TLK1: variants seen among roughly 807,000 people sequenced by gnomAD.
TLK1 encodes the protein serine/threonine-protein kinase tousled-like 1.
A neutral mutation model predicts 105.3 loss-of-function variants in TLK1; 24 were observed. That is an observed-to-expected ratio of 0.23 (90% CI 0.17 to 0.32). The LOEUF is 0.32. TLK1 is among the 10% of genes least tolerant of loss of function. The pLI, the probability that TLK1 is intolerant of heterozygous loss-of-function variation, is 1.00. For missense variants in TLK1, 558 were observed against 910.5 expected (o/e 0.61, Z 4.98); for synonymous variants, 321 against 310.4 (o/e 1.03, Z -0.36).
chr2:171,082,905 C>G (rs890621630), intron 2 of TLK1, 53 bp from the exon 3 acceptor site: 1 of 1,248,500 alleles, frequency 8.0e-7, no homozygotes, highest in African/African-American at 1.5e-5. Context: ...TTTAAAGCAG[C>G]GGGAATAATT....
At chr2:171,147,896 C>CTT (rs34630360) in intron 1 of TLK1, among the ~76,000 whole-genome samples, 4 of 144,186 alleles carry the variant, frequency 2.8e-5, no homozygotes, top group Admixed American at 7.0e-5. Flanking sequence ...GCAGTCATTC[C>CTT]TTTTTTTTTT....
chr2:171,040,629 T>G (rs1018653306), intron 11 of TLK1, among the ~76,000 whole-genome samples: 1 of 145,534 alleles, frequency 6.9e-6, no homozygotes, highest in Non-Finnish European at 1.5e-5. Flanking sequence ...TGGAGTGGAG[T>G]GCAGTAATGC....
intron 2 of TLK1, among the ~76,000 whole-genome samples, chr2:171,111,304 G>A (rs1221081520): frequency 6.6e-6 from 1 of 152,132 alleles, no homozygotes; most frequent in Non-Finnish European, 1.5e-5. Context: ...TGAGCACAGT[G>A]GCTCACACCT....
chr2:171,017,717 C>A (rs2723247), intron 12 of TLK1, among the ~76,000 whole-genome samples: 145,697 of 152,306 alleles, frequency 0.96, 69,968 homozygotes, highest in East Asian at 1. Context: ...CTTACAAAAT[C>A]AAAGCACAAG....
Position 171,076,087 on chromosome 2 carries a change from G to A in TLK1, c.330+6694C>T, listed in dbSNP as rs538263638. The stretch of plus-strand genomic sequence containing the variant: ...ATAAAACTTAGCCAGCCATGGTGGC[G>A]GGTGCCTGTAATCCCAGCTACTCAG... On this transcript the variant is annotated intron_variant, in intron 3 of 20. Coordinates refer to ENST00000431350, the MANE Select transcript of TLK1 (RefSeq NM_012290.5). 4.6e-5 allele frequency among the ~76,000 whole-genome samples: 7 copies of A among 152,148 alleles called. No individual in the cohort carries two copies. In the South Asian group the frequency reaches 8.3e-4, roughly 18 times the overall value.
intron 18 of TLK1, among the ~76,000 whole-genome samples, chr2:171,002,280 A>G (rs1684416312): frequency 6.6e-6 from 1 of 151,636 alleles, no homozygotes; most frequent in Admixed American, 6.6e-5. Context: ...TACTTTTGAG[A>G]CAGAGTCTGG....
At position 171,160,867 on chromosome 2, in the gene TLK1, C is replaced by T. The variant is rs528904169; in HGVS notation, c.-439G>A. The T allele has an allele frequency of 2.2e-3, 650 of 301,090 alleles. 10 individuals carry two copies. The highest frequency in any genetic ancestry group is 0.012 in the African/African-American group (559 of 44,928). The allele number at this position is 301,090 out of a possible 1,614,324, so 18.7% of individuals were successfully genotyped here. On this transcript the variant is annotated 5_prime_UTR_variant, in exon 1 of 21. Coordinates refer to ENST00000431350, the MANE Select transcript of TLK1 (RefSeq NM_012290.5). This position sits in a 1 kb window ranked among gnomAD's most constrained non-coding sequence, Gnocchi z 4.4. ...GGCGGCGGCGGCGGGCTGTGGGTGGCGGCTGAGGCGGTGGGGTAACCTCTG... is the reference window on the plus strand; with the variant it reads ...GGCGGCGGCGGCGGGCTGTGGGTGGTGGCTGAGGCGGTGGGGTAACCTCTG...
intron 1 of TLK1, among the ~76,000 whole-genome samples, chr2:171,205,304 C>G: frequency 6.8e-6 from 1 of 148,080 alleles, no homozygotes; most frequent in Non-Finnish European, 1.5e-5. Flanking sequence ...AAGGTACACA[C>G]TTATTGATTC....
chr2:171,137,293 A>G (rs1691366201), intron 1 of TLK1, among the ~76,000 whole-genome samples: 1 of 152,068 alleles, frequency 6.6e-6, no homozygotes, highest in African/African-American at 2.4e-5. Context: ...AAAAAAAAAA[A>G]GTTTGCTGAC....
intron 1 of TLK1, among the ~76,000 whole-genome samples, chr2:171,170,634 A>G (rs889863045): frequency 1.3e-5 from 2 of 152,238 alleles, no homozygotes; most frequent in Non-Finnish European, 2.9e-5. Context: ...AATGATGCGA[A>G]GTCACAAGGT....
At chr2:171,115,676 A>G (rs1397720060) in intron 2 of TLK1, among the ~76,000 whole-genome samples, 1 of 152,216 alleles carries the variant, frequency 6.6e-6, no homozygotes, top group Non-Finnish European at 1.5e-5. Context: ...TCTGAAGCTG[A>G]TGGTGGTGAT....
At chr2:171,217,497 C>A (rs1161237249) in intron 1 of TLK1, among the ~76,000 whole-genome samples, 1 of 152,158 alleles carries the variant, frequency 6.6e-6, no homozygotes, top group East Asian at 1.9e-4. Flanking sequence ...CCTTGCCCCC[C>A]TCTGGTGGAG....
At chr2:171,128,472 C>G (rs1690961099) in intron 1 of TLK1, among the ~76,000 whole-genome samples, 1 of 152,076 alleles carries the variant, frequency 6.6e-6, no homozygotes, top group Non-Finnish European at 1.5e-5. Flanking sequence ...AAATCTGTCA[C>G]TTAGAAAGCA....
intron 1 of TLK1, among the ~76,000 whole-genome samples, chr2:171,124,256 A>G (rs1188486076): frequency 1.3e-5 from 2 of 152,246 alleles, no homozygotes; most frequent in Non-Finnish European, 2.9e-5. Context: ...TTTGAATATC[A>G]GTTGCCACTG....
chr2:171,208,238 T>A (rs1270350344), intron 1 of TLK1, among the ~76,000 whole-genome samples: 1 of 152,188 alleles, frequency 6.6e-6, no homozygotes, highest in African/African-American at 2.4e-5. Context: ...TAAAATAAAT[T>A]GAATTCATGG....
intron 12 of TLK1, 56 bp downstream of exon 12, chr2:171,028,283 T>G (rs891336666): frequency 7.8e-7 from 1 of 1,278,660 alleles, no homozygotes; most frequent in Middle Eastern, 1.8e-4. Flanking sequence ...ATAACACAAC[T>G]TCCCACAAAT....
intron 3 of TLK1, among the ~76,000 whole-genome samples, chr2:171,076,164 G>C (rs1229264318): frequency 6.6e-6 from 1 of 151,464 alleles, no homozygotes; most frequent in Admixed American, 6.6e-5. Flanking sequence ...GTTGCAGTGA[G>C]CCAAGATCAT....
chr2:171,196,801 A>G (rs1222045809), intron 1 of TLK1, among the ~76,000 whole-genome samples: 1 of 152,222 alleles, frequency 6.6e-6, no homozygotes, highest in Non-Finnish European at 1.5e-5. Context: ...AGAAAGTTGA[A>G]GACAGATTGG....
chr2:171,030,346 T>C (rs777402693), intron 11 of TLK1, among the ~76,000 whole-genome samples: 6 of 152,172 alleles, frequency 3.9e-5, no homozygotes, highest in Non-Finnish European at 7.3e-5. Context: ...TAAACTTCTC[T>C]ACCTAGTCTT....
Sources: gnomAD v4.1 joint callset for allele counts (sites outside exome capture counted in the v4.1 genomes callset) on GRCh38, gnomAD v4.1.1 for gene constraint, Gnocchi (gnomAD v3.1) non-coding constraint, MANE v1.5 for transcripts, NCBI Gene and HGNC (gene_info 2026-07-23, HGNC 2026-07-21) for gene names.